The following BTBD16 variants were observed in gnomAD, a reference collection of about 807,000 sequenced individuals.
The protein encoded by BTBD16 is BTB/POZ domain-containing protein 16.
BTBD16 carries 66 observed loss-of-function variants against 67.4 expected under a neutral mutation model. The ratio of observed to expected loss-of-function variants is 0.98; its 90% CI spans 0.80 to 1.20. The LOEUF (loss-of-function observed/expected upper bound fraction) is 1.20. BTBD16 is among the 50% of genes most tolerant of loss of function. BTBD16 has a pLI of 0.00. For missense variants in BTBD16, 634 were observed against 616.0 expected, an observed-to-expected ratio of 1.03 and a Z score of -0.31; for synonymous variants, 242 against 236.4, an observed-to-expected ratio of 1.02 and a Z score of -0.22.
chr10:122,329,619 C>G, intron 11 of BTBD16, 48 bp downstream of exon 11: 1 of 1,512,662 alleles, frequency 6.6e-7, no homozygotes. Flanking sequence ...CTGCTGGGCA[C>G]CTGCCCACCC....
chr10:122,279,535 C>CACACACACACACAT (rs1554886558), intron 3 of BTBD16, among the ~76,000 whole-genome samples: 8 of 151,908 alleles, frequency 5.3e-5, no homozygotes, highest in Non-Finnish European at 8.8e-5. Context: ...CACACACACA[C>CACACACACACACAT]ACACACACAC....
chr10:122,279,546 ATCTTT>A (rs2096348149), intron 3 of BTBD16, among the ~76,000 whole-genome samples: 1 of 150,446 alleles, frequency 6.6e-6, no homozygotes, highest in Non-Finnish European at 1.5e-5. Flanking sequence ...ACACACACAC[ATCTTT>A]TCTTTGTGTT....
intron 10 of BTBD16, among the ~76,000 whole-genome samples, chr10:122,324,250 A>G (rs1431411453): frequency 6.6e-6 from 1 of 152,196 alleles, no homozygotes; most frequent in East Asian, 1.9e-4. Context: ...TGCTGGCTGC[A>G]TGGGTGTGCA....
At chr10:122,276,706 C>T (rs2096341241) in intron 2 of BTBD16, 85 bp from the exon 3 acceptor site, 3 of 1,540,428 alleles carry the variant, frequency 1.9e-6, no homozygotes, top group Non-Finnish European at 2.6e-6. Context: ...GTCTTGATTT[C>T]CTTCTTGCTA....
intron 12 of BTBD16, 73 bp downstream of exon 12, chr10:122,331,331 G>T: frequency 6.3e-7 from 1 of 1,589,490 alleles, no homozygotes; most frequent in African/African-American, 1.4e-5. Context: ...TTCTGGAGAT[G>T]TGTTTCACAT....
chr10:122,271,600 C>T (rs1367987700), intron 1 of BTBD16, 86 bp downstream of exon 1: 1 of 152,154 alleles, frequency 6.6e-6, no homozygotes, highest in Non-Finnish European at 1.5e-5. Context: ...CTGTCTAGAC[C>T]CAGTGTTAGA....
rs772866024 is a variant in BTBD16 at position 122,336,635 on chromosome 10, C to A, written c.1405C>A (p.Gln469Lys). The A allele has an allele frequency of 1.2e-6, 2 of 1,607,018 alleles. No homozygotes were observed. Among genetic ancestry groups the A allele is most frequent in the South Asian group, 1.1e-5 (1 of 90,046 alleles). The change falls in exon 15 of 16, where the codon CAG becomes AAG. Residue 469 changes from glutamine (Q) to lysine (K), a missense_variant. By Grantham distance (53) the Gln-to-Lys change is moderately conservative (BLOSUM62 1). Coordinates refer to ENST00000260723, the MANE Select transcript of BTBD16 (RefSeq NM_144587.5). ...DGKWQEFRTNQIKQKFGLTTS... is the reference protein window; with the variant it reads ...DGKWQEFRTNKIKQKFGLTTS... ...CAAGTGGCAGGAGTTCAGGACAAAC[C>A]AGATCAAGCAGAAGTTTGGGTTGAC...
At chr10:122,299,941 C>G (rs1306647542) in intron 9 of BTBD16, among the ~76,000 whole-genome samples, 1 of 152,178 alleles carries the variant, frequency 6.6e-6, no homozygotes, top group Non-Finnish European at 1.5e-5. Context: ...ACGGGGCCCC[C>G]CCTGAAACTT....
rs535337818 is a variant in BTBD16 at position 122,334,641 on chromosome 10, G to A, written c.1165-240G>A. On this transcript the variant is annotated intron_variant, in intron 13 of 15. Coordinates refer to ENST00000260723, the MANE Select transcript of BTBD16 (RefSeq NM_144587.5). The stretch of plus-strand genomic sequence containing the variant: ...CCTACCTCAGCCTCCTGAGTAGCTG[G>A]GACTACAGGCACGCACCACCACGCC... Among the ~76,000 whole-genome samples the A allele has an allele frequency of 1.3e-3, 196 of 149,716 alleles. 1 individual carries two copies. Among genetic ancestry groups the A allele is most frequent in the African/African-American group, 4.7e-3 (191 of 40,600 alleles).
intron 3 of BTBD16, among the ~76,000 whole-genome samples, chr10:122,283,067 C>A (rs555525998): frequency 6.6e-6 from 1 of 152,268 alleles, no homozygotes; most frequent in Non-Finnish European, 1.5e-5. Flanking sequence ...GCTGGTTAGC[C>A]GTGCTAAGGA....
In BTBD16 at chr10:122,336,566, C is replaced by T. The variant is rs199707536; in HGVS notation, c.1336C>T (p.Arg446Cys). 1.4e-5 allele frequency: 22 copies of T among 1,613,010 alleles called. 1 individual carries two copies. The highest frequency in any genetic ancestry group is 5.0e-5 in the Admixed American group (3 of 59,732). ...CAACCACGTCAGCCTGCGAGCGGCA[C>T]GCCTGGTGAAGTATGAGATCAGAGC... is the stretch of plus-strand genomic sequence containing the variant. ...EHNHVSLRAARLVKYEIRAEA... is the reference protein window; with the variant it reads ...EHNHVSLRAACLVKYEIRAEA... Residue 446 changes from arginine (R) to cysteine (C), a missense_variant, in exon 15 of 16, where the codon CGC (arginine) becomes TGC (cysteine). By Grantham distance (180) the Arg-to-Cys change is radical. Transcript: ENST00000260723.
intron 13 of BTBD16, among the ~76,000 whole-genome samples, chr10:122,333,943 T>C (rs751064898): frequency 3.9e-5 from 6 of 152,192 alleles, no homozygotes; most frequent in Non-Finnish European, 7.3e-5. Context: ...TCATTCAAAA[T>C]AATATAAATT....
At chr10:122,335,274 G>A (rs1044971324) in intron 14 of BTBD16, among the ~76,000 whole-genome samples, 5 of 152,090 alleles carry the variant, frequency 3.3e-5, no homozygotes, top group African/African-American at 1.2e-4. Flanking sequence ...CTCTACATGT[G>A]GAGCTCACTT....
At position 122,298,740 on chromosome 10, in the gene BTBD16, T is replaced by C. The variant is rs962484158; in HGVS notation, c.661-264T>C. On this transcript the variant is annotated intron_variant, in intron 8 of 15. Coordinates refer to ENST00000260723, the MANE Select transcript of BTBD16 (RefSeq NM_144587.5). Reference sequence around the variant, plus strand: ...AAGAGCAGGAACCTGGGAGCGTCAGTTTCCCCACCGGTGACCTAGGGATAA... The same window carrying C: ...AAGAGCAGGAACCTGGGAGCGTCAGCTTCCCCACCGGTGACCTAGGGATAA... Among the ~76,000 whole-genome samples the C allele has an allele frequency of 2.4e-4, 37 of 152,122 alleles. 1 individual carries two copies. The highest frequency in any genetic ancestry group is 4.7e-4 in the Non-Finnish European group (32 of 68,034).
intron 3 of BTBD16, 79 bp from the exon 4 acceptor site, chr10:122,283,772 T>C: frequency 3.6e-6 from 4 of 1,101,812 alleles, no homozygotes; most frequent in Non-Finnish European, 5.5e-6. Context: ...AGGACATTTA[T>C]GCTAGAATAA....
chr10:122,319,437 T>C (rs1254560075), intron 10 of BTBD16, among the ~76,000 whole-genome samples: 4 of 152,144 alleles, frequency 2.6e-5, no homozygotes, highest in Non-Finnish European at 5.9e-5. Flanking sequence ...ATTCATGTTT[T>C]GCATATAGAT....
chr10:122,309,728 C>T (rs1265917044), intron 10 of BTBD16, among the ~76,000 whole-genome samples: 1 of 151,848 alleles, frequency 6.6e-6, no homozygotes, highest in African/African-American at 2.4e-5. Context: ...CCCACTTGGC[C>T]TCCCAAAGCA....
intron 4 of BTBD16, among the ~76,000 whole-genome samples, chr10:122,284,884 A>G (rs2096360583): frequency 6.6e-6 from 1 of 152,164 alleles, no homozygotes; most frequent in African/African-American, 2.4e-5. Context: ...CCATCCTGAA[A>G]GTGGAAATTG....
At chr10:122,290,937 C>T (rs988274446) in intron 6 of BTBD16, 143 bp from the exon 7 acceptor site, 47 of 1,220,304 alleles carry the variant, frequency 3.9e-5, no homozygotes, top group Admixed American at 5.8e-5. Context: ...AGCTTCTGGG[C>T]GGTGCCTGCA....
Sources: gnomAD v4.1 joint callset for allele counts (sites outside exome capture counted in the v4.1 genomes callset) on GRCh38, gnomAD v4.1.1 for gene constraint, MANE v1.5 for transcripts, NCBI Gene and HGNC (gene_info 2026-07-23, HGNC 2026-07-21) for gene names.